Variants in AVEN observed in about 807,000 individuals in gnomAD.
AVEN encodes apoptosis and caspase activation inhibitor.
AVEN carries 41 observed loss-of-function variants against 38.1 expected under a neutral mutation model. The ratio of observed to expected loss-of-function variants is 1.08; its 90% CI spans 0.84 to 1.40. AVEN has a LOEUF of 1.40. AVEN is among the 40% of genes most tolerant of loss of function. AVEN has a pLI of 0.00. For synonymous variants in AVEN, 206 were observed against 171.8 expected (o/e 1.20, Z -1.56); for missense variants, 605 against 438.8 (o/e 1.38, Z -3.38).
intron 2 of AVEN, among the ~76,000 whole-genome samples, chr15:33,935,652 G>A (rs1290310165): frequency 6.6e-6 from 1 of 152,066 alleles, no homozygotes; most frequent in Non-Finnish European, 1.5e-5. Context: ...TACATGGAAA[G>A]TGCAAGAGAA....
chr15:33,915,379 C>G (rs1384451168), intron 2 of AVEN, among the ~76,000 whole-genome samples: 2 of 152,250 alleles, frequency 1.3e-5, no homozygotes, highest in East Asian at 3.9e-4. Context: ...GGGGATCATC[C>G]ACCCCCAAGC....
intron 2 of AVEN, among the ~76,000 whole-genome samples, chr15:33,931,699 T>TA (rs1043509310): frequency 5.0e-4 from 76 of 152,304 alleles, no homozygotes; most frequent in African/African-American, 1.7e-3. Context: ...ATTAAAGTGT[T>TA]ACAACAAAAT....
At chr15:34,023,461 C>A (rs1898301572) in intron 1 of AVEN, among the ~76,000 whole-genome samples, 1 of 152,138 alleles carries the variant, frequency 6.6e-6, no homozygotes, top group African/African-American at 2.4e-5. Flanking sequence ...CACCAGAGCT[C>A]AGGCGCAGCC....
rs368023636 is a variant in AVEN at position 33,889,818 on chromosome 15, G to A, written c.446-13823C>T. On this transcript the variant is annotated intron_variant, in intron 2 of 5. Transcript: ENST00000306730. ...TCAGGTCATGTCCTTTGAGACTAAC[G>A]GAGCAGCTGTGGCTTCTTGTCACAG... Among the ~76,000 whole-genome samples the A allele has an allele frequency of 4.0e-4, 61 of 152,210 alleles. No homozygotes were observed. In the East Asian group the frequency reaches 9.3e-3, roughly 23 times the overall value.
exon 1 of AVEN, among the ~76,000 whole-genome samples, chr15:34,074,760 G>A (rs1159069992): frequency 6.6e-6 from 1 of 152,186 alleles, no homozygotes; most frequent in African/African-American, 2.4e-5. Flanking sequence ...AGTACTGGGA[G>A]TTAGGACTCC....
At chr15:33,878,479 C>T in intron 2 of AVEN, among the ~76,000 whole-genome samples, 1 of 152,002 alleles carries the variant, frequency 6.6e-6, no homozygotes, top group Non-Finnish European at 1.5e-5. Context: ...TATCTCATTT[C>T]TCAGATGTAA....
At position 34,063,943 on chromosome 15, in the gene AVEN, T is replaced by A. The variant is rs1177548497; in HGVS notation, n.1127-511A>T. 1 of 1,614,150 alleles carries A rather than the reference T, an allele frequency of 6.2e-7. No individual in the cohort carries two copies. The highest frequency in any genetic ancestry group is 8.5e-7 in the Non-Finnish European group (1 of 1,180,026). ...AAAATCATGCCCTGCCCCTTCCCAG[T>A]GGCCAAGGAACCTTCAACGAAAGGC... On this transcript the variant is annotated intron_variant and non_coding_transcript_variant, in intron 4 of 11. Transcript: ENST00000675287. This position sits in a 1 kb window ranked among gnomAD's most constrained non-coding sequence, Gnocchi z 4.1.
At chr15:34,000,408 A>C (rs566461670) in intron 2 of AVEN, among the ~76,000 whole-genome samples, 1 of 152,318 alleles carries the variant, frequency 6.6e-6, no homozygotes, top group Non-Finnish European at 1.5e-5. Flanking sequence ...TCAACTGGTC[A>C]CAATTTAAAA....
chr15:34,017,497 T>TTTTTTTTTTTTGTTTTTTTTTTTTTTG (rs1555516619), intron 1 of AVEN, among the ~76,000 whole-genome samples: 1 of 133,364 alleles, frequency 7.5e-6, no homozygotes. Context: ...TTTTTTTTTT[T>TTTTTTTTTTTTGTTTTTTTTTTTTTTG]TTTGAGACAG....
At position 33,899,460 on chromosome 15, in the gene AVEN, C is replaced by CTTTTTTTTTTTTT. The variant is rs533788693; in HGVS notation, c.446-23478_446-23466dup. ...TACATTTATTTGCTTCAGGGAAAAC[C>CTTTTTTTTTTTTT]TTTTTTTTTTTTTTTTTTTTTTTTT... is the stretch of plus-strand genomic sequence containing the variant. On this transcript the variant is annotated intron_variant, in intron 2 of 5. Transcript: ENST00000306730. Among the ~76,000 whole-genome samples, 203 of 65,426 alleles carry CTTTTTTTTTTTTT rather than the reference C, an allele frequency of 3.1e-3. 10 individuals carry two copies. The highest frequency in any genetic ancestry group is 7.4e-3 in the East Asian group (15 of 2,030). The allele number at this position is 65,426 out of a possible 152,430, so 42.9% of individuals were successfully genotyped here.
intron 2 of AVEN, among the ~76,000 whole-genome samples, chr15:33,882,339 A>T (rs891805317): frequency 9.2e-5 from 14 of 152,204 alleles, no homozygotes; most frequent in Non-Finnish European, 2.9e-5. Flanking sequence ...GATGTACATG[A>T]AGAGTTCACA....
intron 4 of AVEN, 74 bp from the exon 5 acceptor site, chr15:33,867,929 C>G: frequency 6.7e-7 from 1 of 1,487,394 alleles, no homozygotes; most frequent in South Asian, 1.4e-5. Flanking sequence ...ACATAGGAGG[C>G]TAAACGAAGC....
chr15:33,866,432 A>G lies in AVEN; in HGVS notation c.*181T>C. ...CTAAGCCAGAAAAACAAATGCAACA[A>G]GCTGCTTCAATGTATTCTTTCAGAT... On this transcript the variant is annotated 3_prime_UTR_variant, in exon 6 of 6. Coordinates refer to ENST00000306730, the MANE Select transcript of AVEN (RefSeq NM_020371.3). 1 of 590,706 alleles carries G rather than the reference A, an allele frequency of 1.7e-6. No homozygotes were observed. The highest frequency in any genetic ancestry group is 3.0e-6 in the Non-Finnish European group (1 of 332,968). 36.6% of individuals were successfully genotyped at this position (590,706 alleles called of 1,614,324 possible). A position where few individuals can be genotyped will look rare whatever the true frequency, so the allele number is the denominator to read the frequency against.
At chr15:34,002,175 C>T (rs1465906020) in intron 2 of AVEN, among the ~76,000 whole-genome samples, 1 of 152,148 alleles carries the variant, frequency 6.6e-6, no homozygotes, top group Non-Finnish European at 1.5e-5. Context: ...TTTATTCATA[C>T]TCATTTGTGC....
chr15:33,859,907 A>G (rs1041964393), intron 11 of AVEN, among the ~76,000 whole-genome samples: 2 of 152,208 alleles, frequency 1.3e-5, no homozygotes, highest in African/African-American at 4.8e-5. Context: ...ATAAAGCCAA[A>G]TACACACCCA....
intron 2 of AVEN, among the ~76,000 whole-genome samples, chr15:33,899,547 G>A (rs57396143): frequency 0.084 from 11,063 of 132,288 alleles, 902 homozygotes; most frequent in African/African-American, 0.22. Flanking sequence ...TCAGCTCACC[G>A]CAACCTCCGC....
At position 34,008,488 on chromosome 15, in the gene AVEN, T is replaced by C. The variant is rs538335727; in HGVS notation, c.268-5279A>G. 5.4e-3 allele frequency among the ~76,000 whole-genome samples: 137 copies of C among 25,394 alleles called. 1 individual carries two copies. The highest frequency in any genetic ancestry group is 0.083 in the Middle Eastern group (2 of 24). The allele number at this position is 25,394 out of a possible 152,430, so 16.7% of individuals were successfully genotyped here. A position where few individuals can be genotyped will look rare whatever the true frequency, so the allele number is the denominator to read the frequency against. ...TCCCAAAGTTGATGAAAAACCTTTT[T>C]TTTTTTTTTTTTTTTTTTGAGACAG... is the stretch of plus-strand genomic sequence containing the variant. On this transcript the variant is annotated intron_variant, in intron 1 of 5. Transcript: ENST00000306730.
At chr15:34,041,605 C>T (rs113155309), upstream of AVEN, among the ~76,000 whole-genome samples, 2 of 152,180 alleles carry the variant, frequency 1.3e-5, no homozygotes, top group Non-Finnish European at 2.9e-5. Context: ...CAGTGTAAGA[C>T]TCAGTAACAC....
chr15:33,886,592 T>C (rs1267707056), intron 2 of AVEN, among the ~76,000 whole-genome samples: 1 of 152,176 alleles, frequency 6.6e-6, no homozygotes, highest in East Asian at 1.9e-4. Flanking sequence ...TATAAGGGGC[T>C]TCCCCCTTCA....
Sources: allele counts gnomAD v4.1 joint callset (sites outside exome capture counted in the v4.1 genomes callset), GRCh38; gene constraint gnomAD v4.1.1; non-coding constraint Gnocchi (gnomAD v3.1); transcripts MANE v1.5; gene names NCBI Gene and HGNC (gene_info 2026-07-23, HGNC 2026-07-21).